The following HTR7 variants were observed in gnomAD, a reference collection of about 807,000 sequenced individuals.
The protein encoded by HTR7 is 5-hydroxytryptamine receptor 7, also known as 5-HT-7.
In HTR7, 16 loss-of-function variants were observed where a neutral mutation model predicts 34.0. The observed-to-expected ratio is 0.47, with a 90% CI of 0.32 to 0.71. The LOEUF is 0.71. Among genes scored for constraint, HTR7 ranks in the 30% least tolerant of loss-of-function variants. The pLI is 0.04. For synonymous variants in HTR7, 265 were observed against 260.2 expected (o/e 1.02, Z -0.18); for missense variants, 504 against 625.5 (o/e 0.81, Z 2.07).
At chr10:90,837,414 C>G (rs1489031774) in intron 1 of HTR7, among the ~76,000 whole-genome samples, 2 of 152,102 alleles carry the variant, frequency 1.3e-5, no homozygotes, top group East Asian at 3.9e-4. Context: ...GAAACTTAAT[C>G]CCTCTGCCTT....
rs1301780483 is a variant in HTR7 at position 90,857,703 on chromosome 10, G to C, written c.-32C>G. 11 of 1,461,592 alleles carry C rather than the reference G, an allele frequency of 7.5e-6. No individual in the cohort carries two copies. Among genetic ancestry groups the C allele is most frequent in the East Asian group, 2.8e-5 (1 of 36,348 alleles). The allele number at this position is 1,461,592 out of a possible 1,614,324, so 90.5% of individuals were successfully genotyped here. A position where few individuals can be genotyped will look rare whatever the true frequency, so the allele number is the denominator to read the frequency against. ...GCCGTGTGCCGCTGCCCATGGAGCC[G>C]GCGCCCCGGCCACGCGCCTCCGGCT... On this transcript the variant is annotated 5_prime_UTR_variant, in exon 1 of 4. Transcript: ENST00000336152. The surrounding 1 kb of genome is among the most constrained non-coding windows in gnomAD (Gnocchi z 6.5).
At chr10:90,745,331 T>C (rs1222689208) in intron 2 of HTR7, among the ~76,000 whole-genome samples, 2 of 152,156 alleles carry the variant, frequency 1.3e-5, no homozygotes, top group African/African-American at 4.8e-5. Context: ...TGGTAGAAGG[T>C]ATGAACAAGC....
intron 1 of HTR7, among the ~76,000 whole-genome samples, chr10:90,792,422 CATAATTCTTGATTTATAGCATATT>C (rs1845472817): frequency 1.3e-5 from 2 of 151,758 alleles, no homozygotes; most frequent in Admixed American, 1.3e-4. Flanking sequence ...AGGAATTAAT[CATAATTCTTGATTTATAGCATATT>C]ATAAACATAT....
chr10:90,777,684 C>G (rs556906544), intron 1 of HTR7, among the ~76,000 whole-genome samples: 4 of 152,090 alleles, frequency 2.6e-5, no homozygotes, highest in African/African-American at 9.7e-5. Context: ...CATCATAGCA[C>G]GAAGAGAGGC....
In HTR7 at chr10:90,746,321, T is replaced by A. The variant is rs1479403634; in HGVS notation, c.1295+2518A>T. Reference sequence around the variant, plus strand: ...TTAAAGATTACCATTTTATGATCTATCTGAATTATCTATGAATCATTAACT... The same window carrying A: ...TTAAAGATTACCATTTTATGATCTAACTGAATTATCTATGAATCATTAACT... On this transcript the variant is annotated intron_variant, in intron 2 of 3. Coordinates refer to ENST00000336152, the MANE Select transcript of HTR7 (RefSeq NM_019859.4). Among the ~76,000 whole-genome samples, 3 of 152,228 alleles carry A rather than the reference T, an allele frequency of 2.0e-5. No individual in the cohort carries two copies. In the South Asian group the frequency reaches 6.2e-4, roughly 31 times the overall value.
At chr10:90,745,945 G>A (rs935477147) in intron 2 of HTR7, among the ~76,000 whole-genome samples, 1 of 152,130 alleles carries the variant, frequency 6.6e-6, no homozygotes, top group Non-Finnish European at 1.5e-5. Flanking sequence ...CAACACCCAA[G>A]CCTCCAGACT....
intron 1 of HTR7, among the ~76,000 whole-genome samples, chr10:90,751,575 A>C (rs1260930758): frequency 6.6e-6 from 1 of 152,148 alleles, no homozygotes; most frequent in Admixed American, 6.5e-5. Flanking sequence ...TACTTTACAC[A>C]ATTCCCCAGG....
chr10:90,768,291 T>C (rs1009801543), intron 1 of HTR7, among the ~76,000 whole-genome samples: 1 of 152,186 alleles, frequency 6.6e-6, no homozygotes, highest in Non-Finnish European at 1.5e-5. Context: ...CAACTACTAT[T>C]CTCCTTCCTA....
chr10:90,808,827 C>A (rs1447783627), intron 1 of HTR7, among the ~76,000 whole-genome samples: 2 of 152,152 alleles, frequency 1.3e-5, no homozygotes, highest in Admixed American at 6.5e-5. Context: ...CCACTTGACC[C>A]CAATACAAAC....
intron 1 of HTR7, among the ~76,000 whole-genome samples, chr10:90,801,402 C>A (rs1258005562): frequency 6.6e-6 from 1 of 152,154 alleles, no homozygotes; most frequent in Non-Finnish European, 1.5e-5. Context: ...AGCTCCAACC[C>A]CGGAAACACC....
intron 1 of HTR7, among the ~76,000 whole-genome samples, chr10:90,851,787 T>C (rs898948199): frequency 2.0e-5 from 3 of 152,112 alleles, no homozygotes; most frequent in Non-Finnish European, 2.9e-5. Flanking sequence ...TGGAGATAAC[T>C]GAATCATGGG....
intron 1 of HTR7, among the ~76,000 whole-genome samples, chr10:90,830,290 A>C (rs1846146874): frequency 6.6e-6 from 1 of 152,216 alleles, no homozygotes. Context: ...ATTATTAAAG[A>C]ACAAAAACCA....
chr10:90,775,457 G>A (rs1845191635), intron 1 of HTR7, among the ~76,000 whole-genome samples: 1 of 152,142 alleles, frequency 6.6e-6, no homozygotes, highest in Non-Finnish European at 1.5e-5. Flanking sequence ...AGGCCCACAG[G>A]GAACACCATG....
chr10:90,781,716 G>C (rs2119847325), intron 1 of HTR7, among the ~76,000 whole-genome samples: 1 of 152,276 alleles, frequency 6.6e-6, no homozygotes, highest in East Asian at 1.9e-4. Flanking sequence ...CAGAACTAAA[G>C]TCCTTCCCCA....
intron 1 of HTR7, among the ~76,000 whole-genome samples, chr10:90,780,982 T>A (rs866803715): frequency 7.9e-5 from 12 of 152,222 alleles, no homozygotes; most frequent in Admixed American, 2.6e-4. Context: ...ATGACAGATA[T>A]GGCTTGAAAT....
At chr10:90,836,776 C>T (rs2120074029) in intron 1 of HTR7, among the ~76,000 whole-genome samples, 1 of 152,040 alleles carries the variant, frequency 6.6e-6, no homozygotes, top group Admixed American at 6.6e-5. Flanking sequence ...TCCCAAAGTG[C>T]TGTGATCACA....
intron 1 of HTR7, among the ~76,000 whole-genome samples, chr10:90,793,182 CG>C (rs1845485799): frequency 6.6e-6 from 1 of 151,796 alleles, no homozygotes; most frequent in African/African-American, 2.4e-5. Context: ...GAATATATTC[CG>C]GATAAGAACT....
chr10:90,856,189 G>C (rs1438844955), intron 1 of HTR7, among the ~76,000 whole-genome samples: 1 of 152,190 alleles, frequency 6.6e-6, no homozygotes, highest in Non-Finnish European at 1.5e-5. Flanking sequence ...TACTAGTCTT[G>C]AAACACCGGC....
intron 1 of HTR7, among the ~76,000 whole-genome samples, chr10:90,794,473 TA>T (rs1845508152): frequency 6.6e-6 from 1 of 152,190 alleles, no homozygotes. Context: ...GTACTATACA[TA>T]ATTTTTATTT....
Sources: allele counts gnomAD v4.1 joint callset (sites outside exome capture counted in the v4.1 genomes callset), GRCh38; gene constraint gnomAD v4.1.1; non-coding constraint Gnocchi (gnomAD v3.1); transcripts MANE v1.5; gene names NCBI Gene and HGNC (gene_info 2026-07-23, HGNC 2026-07-21).